The following MYO15A variants were observed in gnomAD, a reference collection of about 807,000 sequenced individuals.
MYO15A encodes myosin XVA.
A neutral mutation model predicts 394.6 loss-of-function variants in MYO15A; 308 were observed. The ratio of observed to expected loss-of-function variants is 0.78; its 90% CI spans 0.71 to 0.86. The LOEUF (loss-of-function observed/expected upper bound fraction) is 0.86, where lower values mean the gene tolerates loss of function less well. Among genes scored for constraint, MYO15A ranks in the 40% least tolerant of loss-of-function variants. The probability of loss-of-function intolerance (pLI) is 0.00; values close to 1 mark genes in which losing one functional copy is unlikely to be tolerated. For synonymous variants in MYO15A, 1,957 were observed against 2,003.8 expected, an observed-to-expected ratio of 0.98 and a Z score of 0.62; for missense variants, 4,606 against 4,799.1, an observed-to-expected ratio of 0.96 and a Z score of 1.19.
chr17:18,169,651 T>C (rs904672029), intron 62 of MYO15A: 6 of 151,940 alleles, frequency 3.9e-5, no homozygotes, highest in African/African-American at 1.4e-4. Context: ...ACAAAAAAAG[T>C]GGACCTCAAA....
At chr17:18,178,391 C>A in intron 65 of MYO15A, 1 of 326,606 alleles carries the variant, frequency 3.1e-6, no homozygotes, top group Non-Finnish European at 6.0e-6. Flanking sequence ...AAAGAATTTA[C>A]ATGCAATAAA....
intron 15 of MYO15A, 70 bp from the exon 16 acceptor site, chr17:18,137,514 A>G: frequency 7.0e-7 from 1 of 1,429,022 alleles, no homozygotes; most frequent in Non-Finnish European, 9.8e-7. Flanking sequence ...AGTTGCCACC[A>G]GGGAAGGTAG....
intron 7 of MYO15A, among the ~76,000 whole-genome samples, chr17:18,129,983 A>T (rs577219588): frequency 6.6e-6 from 1 of 152,122 alleles, no homozygotes; most frequent in East Asian, 1.9e-4. Flanking sequence ...AGGTTCAAGC[A>T]GTTCTCCTGC....
At chr17:18,116,160 C>T (rs1250048505) in intron 1 of MYO15A, among the ~76,000 whole-genome samples, 1 of 152,182 alleles carries the variant, frequency 6.6e-6, no homozygotes, top group Non-Finnish European at 1.5e-5. Flanking sequence ...ACTGAGGAAT[C>T]CAGGTTGGGG....
chr17:18,119,064 G>A lies in MYO15A; in HGVS notation c.264G>A (p.Thr88=), dbSNP rs571886925. ...TVLKSTSKLM[T]QMRMGKKKRA... is the part of the protein sequence containing the mutation. ...TCAAGTCCACGTCAAAGCTCATGAC[G>A]CAGATGCGCATGGGCAAGAAGAAGC... Residue 88 remains threonine, a synonymous_variant, in exon 2 of 66, where the codon ACG becomes ACA. Coordinates refer to ENST00000647165, the MANE Select transcript of MYO15A (RefSeq NM_016239.4). 5.0e-5 allele frequency: 80 copies of A among 1,612,180 alleles called. 1 individual carries two copies. The highest frequency in any genetic ancestry group is 1.7e-4 in the Middle Eastern group (1 of 6,060).
rs994032096 is a variant in MYO15A, at chr17:18,132,768, C to A, written c.4320+202C>A. 6.6e-6 allele frequency among the ~76,000 whole-genome samples: 1 copy of A among 152,222 alleles called. No individual in the cohort carries two copies. The highest frequency in any genetic ancestry group is 2.4e-5 in the African/African-American group (1 of 41,460). On this transcript the variant is annotated intron_variant, in intron 11 of 65. Transcript: ENST00000647165. This position sits in a 1 kb window ranked among gnomAD's most constrained non-coding sequence, Gnocchi z 4.6. ...GGTCCAAAGCGGAAGCAGGAAAGGCCTACCTGACTTCATTTCTCTGGAACC... is the reference window on the plus strand; with the variant it reads ...GGTCCAAAGCGGAAGCAGGAAAGGCATACCTGACTTCATTTCTCTGGAACC...
chr17:18,120,390 T>A lies in MYO15A; in HGVS notation c.1590T>A (p.Pro530=). The change falls in exon 2 of 66, where the codon CCT becomes CCA. Residue 530 remains proline (P), a synonymous_variant. Transcript: ENST00000647165. ...TTTCCGCTGTGCCCTACGGCCACCC[T>A]TTCTGGGGCTTCCTCACGCCGCGCC... ...PPVSAVPYGH[P]FWGFLTPRQR... is the part of the protein sequence containing the mutation. 1 of 1,610,272 alleles carries A rather than the reference T, an allele frequency of 6.2e-7. No individual in the cohort carries two copies. Among genetic ancestry groups the A allele is most frequent in the African/African-American group, 1.3e-5 (1 of 75,012 alleles).
rs1194822784 is a variant in MYO15A, at chr17:18,140,612, T to C, written c.5307T>C (p.Thr1769=). The change falls in exon 20 of 66, where the codon ACT becomes ACC. Residue 1769 remains threonine, a synonymous_variant. Coordinates refer to ENST00000647165, the MANE Select transcript of MYO15A (RefSeq NM_016239.4). ...SSVTRLYKAH[T]VAAKFQQSLL... is the part of the protein sequence containing the mutation. ...TCACTCGGCTCTACAAGGCGCACAC[T>C]GTGGCCGCCAAGTTCCAGCAGTCAC... 3.7e-6 allele frequency: 6 copies of C among 1,613,780 alleles called. No individual in the cohort carries two copies. Among genetic ancestry groups the C allele is most frequent in the Non-Finnish European group, 4.2e-6 (5 of 1,180,034 alleles).
chr17:18,139,139 C>T, intron 18 of MYO15A: 1 of 728,784 alleles, frequency 1.4e-6, no homozygotes, highest in Non-Finnish European at 2.4e-6. Context: ...AATAATAGTG[C>T]CCAACTCATG....
chr17:18,130,631 C>T (rs1210331782), intron 7 of MYO15A, among the ~76,000 whole-genome samples, 174 bp from the exon 8 acceptor site: 1 of 151,872 alleles, frequency 6.6e-6, no homozygotes, highest in Admixed American at 6.6e-5. Flanking sequence ...CCTTGGAGAC[C>T]CCATGGCAGT....
chr17:18,168,307 T>C (rs2046885365), intron 62 of MYO15A, among the ~76,000 whole-genome samples: 1 of 152,008 alleles, frequency 6.6e-6, no homozygotes, highest in Non-Finnish European at 1.5e-5. Flanking sequence ...CGCTCATGCC[T>C]GTAATCCCAG....
intron 5 of MYO15A, 86 bp downstream of exon 5, chr17:18,126,542 C>CTT: frequency 3.7e-6 from 5 of 1,343,106 alleles, no homozygotes; most frequent in Non-Finnish European, 5.2e-6. Flanking sequence ...TGCACCTGAG[C>CTT]CATGAGTCAG....
rs1567665173 is a variant in MYO15A, at chr17:18,169,160, A to AAT, written c.10082+1438_10082+1439insTA. Among the ~76,000 whole-genome samples the AAT allele has an allele frequency of 1.1e-4, 9 of 79,534 alleles. 1 individual carries two copies. The highest frequency in any genetic ancestry group is 1.1e-3 in the East Asian group (4 of 3,636). 52.2% of individuals were successfully genotyped at this position (79,534 alleles called of 152,430 possible). A position where few individuals can be genotyped will look rare whatever the true frequency, so the allele number is the denominator to read the frequency against. ...ATAATAATAATAATAATAATAATAA[A>AAT]AATAGGCTGGGCACAGTGGCTCACG... On this transcript the variant is annotated intron_variant, in intron 62 of 65. Coordinates refer to ENST00000647165, the MANE Select transcript of MYO15A (RefSeq NM_016239.4).
chr17:18,160,437 C>T (rs779928731), intron 56 of MYO15A, among the ~76,000 whole-genome samples: 1 of 152,210 alleles, frequency 6.6e-6, no homozygotes, highest in African/African-American at 2.4e-5. Context: ...CATTCCCAAA[C>T]AGCCTCTCGC....
intron 29 of MYO15A, among the ~76,000 whole-genome samples, chr17:18,145,197 G>A (rs2046454222): frequency 6.6e-6 from 1 of 151,950 alleles, no homozygotes; most frequent in Non-Finnish European, 1.5e-5. Context: ...CAAGGCAGGT[G>A]CTTCCATGGG....
chr17:18,171,834 G>A, intron 63 of MYO15A, 63 bp downstream of exon 63: 1 of 1,568,900 alleles, frequency 6.4e-7, no homozygotes, highest in Middle Eastern at 2.0e-4. Context: ...TGGTCATGGA[G>A]GATGGGTATG....
Position 18,148,177 on chromosome 17 carries a change from GC to G in MYO15A, c.6660del (p.Ser2221AlafsTer32), listed in dbSNP as rs2046513657. ...CGAGTGGACAGCGACCTATGAGAAG[GC>G]CAGCATGGCGCTGGACGTGGGCTGC... ...QLEWTATYEKASMALDVGCFN... is the reference protein window; with the variant it reads ...QLEWTATYEKXSMALDVGCFN... On this transcript the variant is annotated frameshift_variant, in exon 31 of 66. Transcript: ENST00000647165. LOFTEE classifies it high-confidence loss of function. This position sits in a 1 kb window ranked among gnomAD's most constrained non-coding sequence, Gnocchi z 4.8. 6.2e-7 allele frequency: 1 copy of G among 1,613,710 alleles called. No individual in the cohort carries two copies. The highest frequency in any genetic ancestry group is 8.5e-7 in the Non-Finnish European group (1 of 1,180,042).
intron 7 of MYO15A, among the ~76,000 whole-genome samples, chr17:18,129,613 A>G (rs1172130826): frequency 6.6e-6 from 1 of 152,230 alleles, no homozygotes; most frequent in Non-Finnish European, 1.5e-5. Flanking sequence ...TCAGCTGAAG[A>G]AAGTGCCACG....
Position 18,157,756 on chromosome 17 carries a change from C to T in MYO15A, c.8823C>T (p.Gly2941=). The T allele has an allele frequency of 6.2e-7, 1 of 1,606,288 alleles. No homozygotes were observed. The highest frequency in any genetic ancestry group is 1.3e-5 in the African/African-American group (1 of 75,050). ...WRFGTIHGRV[G]RFPSELVQPA... ...TCGGGACCATCCACGGGCGCGTGGGCCGCTTCCCTTCGGAGCTGGTGCAGC... is the reference window on the plus strand; with the variant it reads ...TCGGGACCATCCACGGGCGCGTGGGTCGCTTCCCTTCGGAGCTGGTGCAGC... The change falls in exon 51 of 66, where the codon GGC becomes GGT. Residue 2941 remains glycine (G), a synonymous_variant. Coordinates refer to ENST00000647165, the MANE Select transcript of MYO15A (RefSeq NM_016239.4).
Sources: allele counts gnomAD v4.1 joint callset (sites outside exome capture counted in the v4.1 genomes callset), GRCh38; gene constraint gnomAD v4.1.1; non-coding constraint Gnocchi (gnomAD v3.1); transcripts MANE v1.5; gene names NCBI Gene and HGNC (gene_info 2026-07-23, HGNC 2026-07-21).